ATP9A: variants seen among roughly 807,000 people sequenced by gnomAD.
ATP9A encodes the protein probable phospholipid-transporting ATPase IIA.
Under a neutral mutation model 144.1 loss-of-function variants are expected in ATP9A, and 52 were observed. The observed-to-expected ratio is 0.36, with a 90% confidence interval of 0.29 to 0.45. ATP9A has a LOEUF of 0.45. ATP9A is among the 20% of genes least tolerant of loss of function. The pLI, the probability that ATP9A is intolerant of heterozygous loss-of-function variation, is 1.00. For synonymous variants in ATP9A, 582 were observed against 557.4 expected (o/e 1.04, Z -0.62); for missense variants, 947 against 1,392.7 (o/e 0.68, Z 5.09).
rs200465266 is a variant in ATP9A, at chr20:51,729,793, G to A, written c.213+41C>T. On this transcript the variant is annotated intron_variant, in intron 2 of 27. Transcript: ENST00000338821. ...CATCTGTACCAATGCATGTATTTGT[G>A]ATGGAAAAAAGAAAAGAGCACGGTC... 52 of 1,514,960 alleles carry A rather than the reference G, an allele frequency of 3.4e-5. 1 individual carries two copies. In the Admixed American group the frequency reaches 1.1e-3, roughly 31 times the overall value. The allele number at this position is 1,514,960 out of a possible 1,614,324, so 93.8% of individuals were successfully genotyped here.
At chr20:51,648,007 T>C (rs2077348728) in intron 14 of ATP9A, among the ~76,000 whole-genome samples, 1 of 152,218 alleles carries the variant, frequency 6.6e-6, no homozygotes. Flanking sequence ...CTATAGTTCC[T>C]AACCTCTGTT....
At chr20:51,618,457 G>A (rs1311310083) in intron 21 of ATP9A, among the ~76,000 whole-genome samples, 1 of 152,108 alleles carries the variant, frequency 6.6e-6, no homozygotes, top group East Asian at 1.9e-4. Context: ...GTAGAGGCCT[G>A]GCACGTGCTT....
chr20:51,706,947 A>AG (rs1370368911), intron 4 of ATP9A, among the ~76,000 whole-genome samples: 1 of 152,096 alleles, frequency 6.6e-6, no homozygotes, highest in Non-Finnish European at 1.5e-5. Context: ...ACCCTTCCAT[A>AG]GCCTCAGGTT....
At chr20:51,763,361 A>G (rs1420926356) in intron 1 of ATP9A, among the ~76,000 whole-genome samples, 6 of 145,770 alleles carry the variant, frequency 4.1e-5, no homozygotes, top group Admixed American at 7.1e-5. Context: ...CGCCCAGGCT[A>G]CAGTGCAGTG....
intron 14 of ATP9A, among the ~76,000 whole-genome samples, chr20:51,642,491 C>T (rs999793044): frequency 6.6e-6 from 1 of 151,868 alleles, no homozygotes; most frequent in Non-Finnish European, 1.5e-5. Flanking sequence ...AATAGATTTT[C>T]TTACAGTTCT....
intron 1 of ATP9A, among the ~76,000 whole-genome samples, chr20:51,746,396 G>A (rs1196420522): frequency 6.6e-6 from 1 of 152,204 alleles, no homozygotes; most frequent in African/African-American, 2.4e-5. Context: ...GTTGTTAAGA[G>A]GGCAGTTAGG....
At chr20:51,702,683 A>G (rs962054175) in intron 4 of ATP9A, among the ~76,000 whole-genome samples, 1 of 152,042 alleles carries the variant, frequency 6.6e-6, no homozygotes, top group African/African-American at 2.4e-5. Context: ...TCCCAGAATG[A>G]AAAAATCGGT....
At chr20:51,604,782 G>A (rs1472688918) in intron 27 of ATP9A, 35 bp downstream of exon 27, 2 of 1,439,826 alleles carry the variant, frequency 1.4e-6, no homozygotes, top group African/African-American at 1.5e-5. Context: ...TTCACTGGGG[G>A]TGACGGACGG....
At chr20:51,687,580 A>G (rs2122812441) in intron 9 of ATP9A, among the ~76,000 whole-genome samples, 1 of 152,280 alleles carries the variant, frequency 6.6e-6, no homozygotes, top group South Asian at 2.1e-4. Context: ...CCTGGGCAAG[A>G]GTGAGACCCC....
chr20:51,660,997 C>T (rs910988861), intron 13 of ATP9A, among the ~76,000 whole-genome samples: 2 of 152,190 alleles, frequency 1.3e-5, no homozygotes, highest in Non-Finnish European at 2.9e-5. Flanking sequence ...TCAGAAGTGA[C>T]TTCAGAACCA....
chr20:51,634,061 G>A (rs1173872730), intron 15 of ATP9A, among the ~76,000 whole-genome samples: 2 of 152,146 alleles, frequency 1.3e-5, no homozygotes, highest in Non-Finnish European at 2.9e-5. Context: ...CTGCCCATCT[G>A]ACAGCATCAC....
Position 51,627,647 on chromosome 20 carries a change from C to G in ATP9A, c.1798G>C (p.Val600Leu), listed in dbSNP as rs368543561. 7 of 1,614,200 alleles carry G rather than the reference C, an allele frequency of 4.3e-6. No homozygotes were observed. The East Asian group carries it at 6.7e-5, about 15-fold the overall frequency. The stretch of plus-strand genomic sequence containing the variant: ...TCTGCAAGAGACTTCTTTGCCACCA[C>G]GAGCACCCGCAGCCCTTCTCGGGCC... ...NMAREGLRVL[V>L]VAKKSLAEEQ... The change falls in exon 17 of 28, where the codon GTG becomes CTG. Residue 600 changes from valine (V) to leucine (L), a missense_variant. Physicochemically the swap from Val to Leu is conservative, Grantham distance 32. Around this residue, in one of 2 missense-constraint regions of ATP9A, gnomAD observed 770 missense variants for 1,047.9 expected, o/e 0.73. Transcript: ENST00000338821.
At chr20:51,662,598 T>A (rs532510159) in intron 13 of ATP9A, among the ~76,000 whole-genome samples, 12 of 152,224 alleles carry the variant, frequency 7.9e-5, no homozygotes, top group East Asian at 1.9e-4. Flanking sequence ...TTATTTATTT[T>A]TTTTTTGGCA....
At chr20:51,650,612 A>G (rs1459123929) in intron 14 of ATP9A, among the ~76,000 whole-genome samples, 1 of 152,196 alleles carries the variant, frequency 6.6e-6, no homozygotes, top group East Asian at 1.9e-4. Flanking sequence ...GCAAAGAATT[A>G]TCTCTGCAAG....
intron 3 of ATP9A, among the ~76,000 whole-genome samples, chr20:51,717,911 G>A (rs1342986904): frequency 2.6e-5 from 4 of 150,964 alleles, no homozygotes; most frequent in East Asian, 1.9e-4. Context: ...CTGAGATCAC[G>A]CCATTGCACT....
chr20:51,602,709 G>A lies in ATP9A; in HGVS notation c.3008-1362C>T, dbSNP rs545199836. Among the ~76,000 whole-genome samples, 5 of 152,252 alleles carry A rather than the reference G, an allele frequency of 3.3e-5. No homozygotes were observed. In the South Asian group the frequency reaches 1.0e-3, roughly 32 times the overall value. On this transcript the variant is annotated intron_variant, in intron 27 of 27. Coordinates refer to ENST00000338821, the MANE Select transcript of ATP9A (RefSeq NM_006045.3). ...CCTTCCTAAGGAGCTTTGGAAGCTG[G>A]CAAAAGAGCCGCGATCAAAGATGCT...
At chr20:51,689,180 T>C in intron 8 of ATP9A, 41 bp from the exon 9 acceptor site, 2 of 1,588,054 alleles carry the variant, frequency 1.3e-6, no homozygotes, top group Non-Finnish European at 1.7e-6. Flanking sequence ...CCCCCAAAGC[T>C]TCCCCAGAAT....
intron 13 of ATP9A, among the ~76,000 whole-genome samples, chr20:51,666,974 T>A (rs899549905): frequency 6.6e-6 from 1 of 152,118 alleles, no homozygotes; most frequent in African/African-American, 2.4e-5. Flanking sequence ...TGTTTAGACA[T>A]CACGAGAGAA....
At chr20:51,701,548 C>A (rs947477018) in intron 4 of ATP9A, among the ~76,000 whole-genome samples, 1 of 152,178 alleles carries the variant, frequency 6.6e-6, no homozygotes, top group Non-Finnish European at 1.5e-5. Context: ...CCCCTTTAAT[C>A]CTCTGTGTTT....
Sources: allele counts gnomAD v4.1 joint callset (sites outside exome capture counted in the v4.1 genomes callset), GRCh38; gene constraint gnomAD v4.1.1; regional missense constraint gnomAD v4.1.1; transcripts MANE v1.5; gene names NCBI Gene and HGNC (gene_info 2026-07-23, HGNC 2026-07-21).